The following CDH4 variants were observed in gnomAD, a reference collection of about 807,000 sequenced individuals.
CDH4 encodes the protein cadherin-4.
CDH4 carries 33 observed loss-of-function variants against 86.0 expected under a neutral mutation model. The ratio of observed to expected loss-of-function variants is 0.38; its 90% confidence interval spans 0.29 to 0.51. The LOEUF (loss-of-function observed/expected upper bound fraction) is 0.51. Ranked by LOEUF, CDH4 falls within the 20% of genes least tolerant of loss-of-function variation. The pLI is 0.86. For missense variants in CDH4, 1,114 were observed against 1,307.4 expected (o/e 0.85, Z 2.28); for synonymous variants, 555 against 549.4 (o/e 1.01, Z -0.14).
intron 2 of CDH4, among the ~76,000 whole-genome samples, chr20:61,428,475 C>A (rs1179510419): frequency 3.3e-5 from 5 of 152,202 alleles, no homozygotes; most frequent in African/African-American, 1.2e-4. Flanking sequence ...AGCCAGAAAG[C>A]ATCTGGCTTA....
intron 3 of CDH4, among the ~76,000 whole-genome samples, chr20:61,765,670 C>A (rs2088689859): frequency 6.6e-6 from 1 of 152,142 alleles, no homozygotes; most frequent in African/African-American, 2.4e-5. Context: ...TGGTAGGGAC[C>A]AGCCTGGGCG....
chr20:61,934,040 C>T lies in CDH4; in HGVS notation c.2380-16C>T, dbSNP rs764732884. 3.5e-5 allele frequency: 56 copies of T among 1,609,914 alleles called. No individual in the cohort carries two copies. The East Asian group carries it at 9.6e-4, about 28-fold the overall frequency. ...TTCTTCTGATGCCCCTGACTCCTCC[C>T]GGCTCCCTCCCCCAGGACTACGACC... On this transcript the variant is annotated splice_polypyrimidine_tract_variant and intron_variant, in intron 14 of 15. Coordinates refer to ENST00000614565, the MANE Select transcript of CDH4 (RefSeq NM_001794.5).
intron 2 of CDH4, among the ~76,000 whole-genome samples, 158 bp from the exon 3 acceptor site, chr20:61,743,405 T>C (rs2088368179): frequency 6.6e-6 from 1 of 152,138 alleles, no homozygotes. Flanking sequence ...GGGGTTGAGA[T>C]AAAACACACC....
At chr20:61,666,554 A>C (rs2087326728) in intron 2 of CDH4, among the ~76,000 whole-genome samples, 1 of 152,206 alleles carries the variant, frequency 6.6e-6, no homozygotes. Context: ...GGTCCACTGA[A>C]TTCAGAGTCC....
At chr20:61,354,214 C>T (rs1018524918) in intron 2 of CDH4, among the ~76,000 whole-genome samples, 3 of 152,078 alleles carry the variant, frequency 2.0e-5, no homozygotes, top group Admixed American at 6.5e-5. Context: ...GCGCCGAGGT[C>T]GGGCCTGGCT....
chr20:61,477,597 G>A (rs1267630236), intron 2 of CDH4, among the ~76,000 whole-genome samples: 1 of 152,240 alleles, frequency 6.6e-6, no homozygotes, highest in Non-Finnish European at 1.5e-5. Flanking sequence ...CTTGAGCTCA[G>A]TCTGCTCCCA....
At position 61,565,170 on chromosome 20, in the gene CDH4, GGGTGGT is replaced by G. The variant is rs1345477009; in HGVS notation, c.170-178380_170-178375del. Reference sequence around the variant, plus strand: ...GTTGGTAGTGGTCCTCTTGGTGATGGGGTGGTGGTGGTGGTGGTCCTCTTGGTGGTG... The same window carrying G: ...GTTGGTAGTGGTCCTCTTGGTGATGGGGTGGTGGTGGTCCTCTTGGTGGTG... On this transcript the variant is annotated intron_variant, in intron 2 of 15. Coordinates refer to ENST00000614565, the MANE Select transcript of CDH4 (RefSeq NM_001794.5). 1.2e-3 allele frequency among the ~76,000 whole-genome samples: 157 copies of G among 127,240 alleles called. 24 individuals carry two copies. Among genetic ancestry groups the G allele is most frequent in the Non-Finnish European group, 6.3e-4 (37 of 59,198 alleles). 83.5% of individuals were successfully genotyped at this position (127,240 alleles called of 152,430 possible).
intron 2 of CDH4, among the ~76,000 whole-genome samples, chr20:61,460,168 G>A (rs1396859432): frequency 6.6e-6 from 1 of 152,186 alleles, no homozygotes; most frequent in Non-Finnish European, 1.5e-5. Context: ...AACAGGGAGC[G>A]CTTTGCCCTC....
At chr20:61,826,498 C>T (rs1981319590) in intron 4 of CDH4, among the ~76,000 whole-genome samples, 2 of 152,204 alleles carry the variant, frequency 1.3e-5, no homozygotes. Flanking sequence ...AGAACAGCAC[C>T]ACCAGCCCCT....
chr20:61,451,349 A>T (rs553605974), intron 2 of CDH4, among the ~76,000 whole-genome samples: 1 of 152,296 alleles, frequency 6.6e-6, no homozygotes, highest in African/African-American at 2.4e-5. Context: ...GCTTGGCCTC[A>T]CGCAGACCTG....
At chr20:61,813,244 C>A (rs1980529580) in intron 4 of CDH4, among the ~76,000 whole-genome samples, 1 of 152,294 alleles carries the variant, frequency 6.6e-6, no homozygotes, top group Non-Finnish European at 1.5e-5. Flanking sequence ...CCTTGGAGGT[C>A]CCCAGCTTCG....
At chr20:61,429,205 C>A (rs931825190) in intron 2 of CDH4, among the ~76,000 whole-genome samples, 1 of 152,106 alleles carries the variant, frequency 6.6e-6, no homozygotes, top group African/African-American at 2.4e-5. Flanking sequence ...TATAACCAAC[C>A]CTTGAGGTAG....
chr20:61,632,648 C>G (rs1219950885), intron 2 of CDH4, among the ~76,000 whole-genome samples: 1 of 151,852 alleles, frequency 6.6e-6, no homozygotes, highest in Non-Finnish European at 1.5e-5. Context: ...CCCCACCTCT[C>G]TTTCCATCTC....
chr20:61,433,588 A>G (rs1184091340), intron 2 of CDH4, among the ~76,000 whole-genome samples: 2 of 151,918 alleles, frequency 1.3e-5, no homozygotes, highest in Admixed American at 6.6e-5. Context: ...TCTGAAATGC[A>G]GCATGCAAGG....
chr20:61,481,665 A>C (rs1405101669), intron 2 of CDH4, among the ~76,000 whole-genome samples: 2 of 152,270 alleles, frequency 1.3e-5, no homozygotes, highest in Non-Finnish European at 2.9e-5. Flanking sequence ...TTGCTAGAGC[A>C]CAAGTTTGAG....
intron 2 of CDH4, among the ~76,000 whole-genome samples, chr20:61,424,430 T>C (rs941461489): frequency 1.6e-4 from 25 of 151,578 alleles, no homozygotes; most frequent in Admixed American, 1.5e-3. Flanking sequence ...CAGCACACCC[T>C]TATACACATG....
intron 2 of CDH4, among the ~76,000 whole-genome samples, chr20:61,567,773 G>C (rs983030532): frequency 6.6e-6 from 1 of 152,162 alleles, no homozygotes; most frequent in African/African-American, 2.4e-5. Flanking sequence ...TTCGAGGCTA[G>C]AAGTTCGAGA....
At chr20:61,291,897 C>T (rs1002173114) in intron 2 of CDH4, among the ~76,000 whole-genome samples, 1 of 152,206 alleles carries the variant, frequency 6.6e-6, no homozygotes, top group Non-Finnish European at 1.5e-5. Context: ...TCCCTCCTCC[C>T]ACCCTCCCTG....
At chr20:61,792,208 G>A (rs1338086809) in intron 4 of CDH4, among the ~76,000 whole-genome samples, 1 of 152,176 alleles carries the variant, frequency 6.6e-6, no homozygotes, top group Non-Finnish European at 1.5e-5. Context: ...GACTTAGGGA[G>A]AGGCAGGTGG....
Sources: gnomAD v4.1 joint callset for allele counts (sites outside exome capture counted in the v4.1 genomes callset) on GRCh38, gnomAD v4.1.1 for gene constraint, MANE v1.5 for transcripts, NCBI Gene and HGNC (gene_info 2026-07-23, HGNC 2026-07-21) for gene names.